ARHGEF28: variants seen among roughly 807,000 people sequenced by gnomAD.
ARHGEF28 encodes the protein Rho guanine nucleotide exchange factor 28.
In ARHGEF28, 152 loss-of-function variants were observed where a neutral mutation model predicts 206.6. That is an observed-to-expected ratio of 0.74 (90% CI 0.64 to 0.84). The LOEUF is 0.84. ARHGEF28 is among the 40% of genes least tolerant of loss of function. The pLI is 0.00. For missense variants in ARHGEF28, 2,028 were observed against 2,073.2 expected (o/e 0.98, Z 0.42); for synonymous variants, 763 against 776.4 (o/e 0.98, Z 0.29).
intron 1 of ARHGEF28, among the ~76,000 whole-genome samples, chr5:73,682,187 AG>A (rs1353738669): frequency 6.6e-6 from 1 of 152,216 alleles, no homozygotes; most frequent in African/African-American, 2.4e-5. Flanking sequence ...TTGAGGGCTG[AG>A]AAGGGCCCTG....
chr5:73,769,351 T>C (rs991293716), intron 4 of ARHGEF28, among the ~76,000 whole-genome samples: 5 of 152,204 alleles, frequency 3.3e-5, no homozygotes, highest in East Asian at 1.9e-4. Context: ...GTGCTGACTT[T>C]TATAGTAGCC....
At chr5:73,713,112 A>T (rs1749351537) in intron 2 of ARHGEF28, among the ~76,000 whole-genome samples, 3 of 152,202 alleles carry the variant, frequency 2.0e-5, no homozygotes. Context: ...AAAATGAAGT[A>T]TTTGAGGCAG....
chr5:73,892,600 A>G (rs1459653440), intron 27 of ARHGEF28, among the ~76,000 whole-genome samples: 1 of 151,986 alleles, frequency 6.6e-6, no homozygotes, highest in Non-Finnish European at 1.5e-5. Flanking sequence ...TTTTTTATGT[A>G]CATATGTGTG....
intron 31 of ARHGEF28, 60 bp from the exon 32 acceptor site, chr5:73,904,162 G>T: frequency 6.4e-7 from 1 of 1,569,220 alleles, no homozygotes; most frequent in Non-Finnish European, 8.8e-7. Flanking sequence ...TTGGGACACT[G>T]CAGGGCAGCT....
At chr5:73,840,931 A>G (rs1326596940) in intron 11 of ARHGEF28, among the ~76,000 whole-genome samples, 171 bp downstream of exon 11, 1 of 152,216 alleles carries the variant, frequency 6.6e-6, no homozygotes, top group Non-Finnish European at 1.5e-5. Context: ...ACACTTAAGA[A>G]AACTGACTAA....
intron 11 of ARHGEF28, among the ~76,000 whole-genome samples, chr5:73,844,833 A>T (rs1313301768): frequency 1.3e-5 from 2 of 150,438 alleles, no homozygotes; most frequent in East Asian, 3.9e-4. Flanking sequence ...TGCACCCAGG[A>T]AAGCTGTTGG....
chr5:73,735,123 A>G (rs1245816642), intron 2 of ARHGEF28, among the ~76,000 whole-genome samples: 4 of 152,084 alleles, frequency 2.6e-5, no homozygotes, highest in Non-Finnish European at 5.9e-5. Context: ...TTCAATGAAC[A>G]ATACTGAATA....
intron 9 of ARHGEF28, among the ~76,000 whole-genome samples, chr5:73,810,760 C>T (rs1487275426): frequency 6.6e-6 from 1 of 152,170 alleles, no homozygotes; most frequent in Non-Finnish European, 1.5e-5. Flanking sequence ...CATTCTGATG[C>T]CTCTGAGAAA....
At chr5:73,905,736 G>A (rs528053983) in intron 33 of ARHGEF28, among the ~76,000 whole-genome samples, 2 of 152,154 alleles carry the variant, frequency 1.3e-5, no homozygotes, top group African/African-American at 2.4e-5. Context: ...TAACAACACT[G>A]TAGAGGACAT....
intron 2 of ARHGEF28, among the ~76,000 whole-genome samples, chr5:73,701,697 G>A (rs1216929292): frequency 1.3e-5 from 2 of 151,900 alleles, no homozygotes; most frequent in African/African-American, 4.8e-5. Flanking sequence ...TTATATATGT[G>A]TGAAGTAATA....
At chr5:73,781,564 G>C (rs770760566) in intron 7 of ARHGEF28, among the ~76,000 whole-genome samples, 2 of 152,052 alleles carry the variant, frequency 1.3e-5, no homozygotes, top group Non-Finnish European at 2.9e-5. Context: ...TGGTCTTTTA[G>C]TAAGTTATGG....
rs376474325 is a variant in ARHGEF28 at position 73,767,156 on chromosome 5, T to C, written c.476-6699T>C. On this transcript the variant is annotated intron_variant, in intron 4 of 35. Coordinates refer to ENST00000513042, the MANE Select transcript of ARHGEF28 (RefSeq NM_001177693.2). Reference sequence around the variant, plus strand: ...GTGAGGCCTCCCTAGCCACATGGAATTGTAAGTCCATTAAACCACTTTCTT... The same window carrying C: ...GTGAGGCCTCCCTAGCCACATGGAACTGTAAGTCCATTAAACCACTTTCTT... 2.4e-3 allele frequency among the ~76,000 whole-genome samples: 362 copies of C among 152,304 alleles called. 2 individuals are homozygous for C. The highest frequency in any genetic ancestry group is 8.2e-3 in the African/African-American group (341 of 41,534).
rs114732472 is a variant in ARHGEF28 at position 73,767,964 on chromosome 5, C to T, written c.476-5891C>T. ...TGCTTGGCATCCCAGCTGCTCCAGCCGTAGCTGAAAGGAACCAACACAGAA... is the reference window on the plus strand; with the variant it reads ...TGCTTGGCATCCCAGCTGCTCCAGCTGTAGCTGAAAGGAACCAACACAGAA... On this transcript the variant is annotated intron_variant, in intron 4 of 35. Coordinates refer to ENST00000513042, the MANE Select transcript of ARHGEF28 (RefSeq NM_001177693.2). Among the ~76,000 whole-genome samples, 659 of 152,210 alleles carry T rather than the reference C, an allele frequency of 4.3e-3. 5 individuals carry two copies. Among genetic ancestry groups the T allele is most frequent in the African/African-American group, 0.015 (606 of 41,492 alleles).
chr5:73,659,386 T>G (rs1745439834), intron 1 of ARHGEF28, among the ~76,000 whole-genome samples: 2 of 152,008 alleles, frequency 1.3e-5, no homozygotes, highest in South Asian at 4.2e-4. Flanking sequence ...AAAAATTAGC[T>G]GGGCATGGTG....
intron 7 of ARHGEF28, among the ~76,000 whole-genome samples, chr5:73,782,561 G>A (rs938053609): frequency 2.0e-5 from 3 of 152,176 alleles, no homozygotes; most frequent in Admixed American, 1.3e-4. Context: ...GGTTAAGCCC[G>A]AGCAGCTGAG....
chr5:73,915,815 T>C (rs1763180549), intron 35 of ARHGEF28, among the ~76,000 whole-genome samples: 1 of 152,236 alleles, frequency 6.6e-6, no homozygotes, highest in Non-Finnish European at 1.5e-5. Context: ...CAGTTGTATT[T>C]TTCTGTATGC....
At position 73,795,377 on chromosome 5, in the gene ARHGEF28, A is replaced by C; in HGVS notation, c.1010A>C (p.His337Pro). 6.2e-7 allele frequency: 1 copy of C among 1,613,802 alleles called. No individual in the cohort carries two copies. The highest frequency in any genetic ancestry group is 8.5e-7 in the Non-Finnish European group (1 of 1,179,712). ...CAACACAATGAACATGAAGACCAGC[A>C]CAGCCTAGATTTGGGTATGAAATAA... is the stretch of plus-strand genomic sequence containing the variant. The part of the protein sequence containing the change: ...VVQHNEHEDQ[H>P]SLDLDRSFDI... Residue 337 changes from histidine to proline, a missense_variant, in exon 9 of 36, where the codon CAC (histidine) becomes CCC (proline). Coordinates refer to ENST00000513042, the MANE Select transcript of ARHGEF28 (RefSeq NM_001177693.2).
chr5:73,877,502 A>C (rs1760596128), intron 22 of ARHGEF28, among the ~76,000 whole-genome samples: 1 of 134,004 alleles, frequency 7.5e-6, no homozygotes. Flanking sequence ...TAGTTCTTTT[A>C]ATTGTGATGT....
intron 7 of ARHGEF28, among the ~76,000 whole-genome samples, chr5:73,793,049 A>G (rs985512234): frequency 1.3e-5 from 2 of 152,194 alleles, no homozygotes; most frequent in Non-Finnish European, 2.9e-5. Flanking sequence ...ATCAGTTGAC[A>G]TGACCACACA....
Sources: gnomAD v4.1 joint callset for allele counts (sites outside exome capture counted in the v4.1 genomes callset) on GRCh38, gnomAD v4.1.1 for gene constraint, MANE v1.5 for transcripts, NCBI Gene and HGNC (gene_info 2026-07-23, HGNC 2026-07-21) for gene names.